PREPL: variants seen among roughly 807,000 people sequenced by gnomAD.
The protein encoded by PREPL is prolyl endopeptidase-like.
A neutral mutation model predicts 70.6 loss-of-function variants in PREPL; 77 were observed. The observed-to-expected ratio is 1.09, with a 90% confidence interval of 0.91 to 1.32. The LOEUF is 1.32. Ranked by LOEUF, PREPL falls within the 40% of genes most tolerant of loss-of-function variation. PREPL has a pLI of 0.00. For synonymous variants in PREPL, 315 were observed against 264.8 expected (o/e 1.19, Z -1.84); for missense variants, 1,002 against 778.2 (o/e 1.29, Z -3.42).
At chr2:44,355,791 A>C (rs1453363885) in intron 1 of PREPL, among the ~76,000 whole-genome samples, 1 of 150,524 alleles carries the variant, frequency 6.6e-6, no homozygotes, top group African/African-American at 2.4e-5. Flanking sequence ...ACACACACAC[A>C]CATATGAATA....
At chr2:44,348,849 C>G (rs1040580574) in intron 1 of PREPL, among the ~76,000 whole-genome samples, 15 of 152,112 alleles carry the variant, frequency 9.9e-5, no homozygotes, top group African/African-American at 2.9e-4. Flanking sequence ...GTTTTTGTTG[C>G]GTCCCAGGGA....
At chr2:44,332,328 T>C in intron 8 of PREPL, 131 bp downstream of exon 8, 1 of 723,780 alleles carries the variant, frequency 1.4e-6, no homozygotes, top group South Asian at 2.0e-5. Flanking sequence ...CTAAAGTCAC[T>C]TGGGTATTAC....
chr2:44,322,678 C>T (rs1276791688), intron 12 of PREPL, 53 bp downstream of exon 12: 4 of 1,579,880 alleles, frequency 2.5e-6, no homozygotes, highest in Non-Finnish European at 3.4e-6. Flanking sequence ...GAGCAGTGTG[C>T]TGTGGGTAGT....
At position 44,320,022 on chromosome 2, in the gene PREPL, CTA is replaced by C. The variant is rs566210449; in HGVS notation, c.*1332_*1333del. On this transcript the variant is annotated 3_prime_UTR_variant, in exon 14 of 14. Coordinates refer to ENST00000409411, the MANE Select transcript of PREPL (RefSeq NM_001171613.2). ...AGCCGAAACCCCGAATTTGTCATTTCTATCAGTTTTTATATAAATTGTTCTTA... is the reference window on the plus strand; with the variant it reads ...AGCCGAAACCCCGAATTTGTCATTTCTCAGTTTTTATATAAATTGTTCTTA... The C allele has an allele frequency of 4.9e-6, 3 of 607,516 alleles. No homozygotes were observed. The highest frequency in any genetic ancestry group is 3.7e-5 in the African/African-American group (2 of 54,080). The allele number at this position is 607,516 out of a possible 1,614,324, so 37.6% of individuals were successfully genotyped here. A position where few individuals can be genotyped will look rare whatever the true frequency, so the allele number is the denominator to read the frequency against.
At chr2:44,349,463 T>G (rs1202801393) in intron 1 of PREPL, among the ~76,000 whole-genome samples, 2 of 152,058 alleles carry the variant, frequency 1.3e-5, no homozygotes, top group Non-Finnish European at 2.9e-5. Context: ...TGAAAAAACA[T>G]AAATCCACAG....
chr2:44,348,597 C>T (rs955122791), intron 1 of PREPL, among the ~76,000 whole-genome samples: 4 of 152,144 alleles, frequency 2.6e-5, no homozygotes, highest in Admixed American at 1.3e-4. Flanking sequence ...AGCAACAGAG[C>T]GGGCTCCAAA....
chr2:44,348,128 A>C (rs1676023338), intron 1 of PREPL, among the ~76,000 whole-genome samples: 1 of 152,110 alleles, frequency 6.6e-6, no homozygotes, highest in Admixed American at 6.5e-5. Context: ...GGGCTCAAGC[A>C]ATCTTCCTGC....
chr2:44,321,416 C>G lies in PREPL; in HGVS notation c.1857G>C (p.Glu619Asp). 2 of 1,612,908 alleles carry G rather than the reference C, an allele frequency of 1.2e-6. No individual in the cohort carries two copies. Among genetic ancestry groups the G allele is most frequent in the Non-Finnish European group, 1.7e-6 (2 of 1,179,228 alleles). Residue 619 changes from glutamate to aspartate, a missense_variant, in exon 14 of 14, where the codon GAG becomes GAC. Transcript: ENST00000409411. ...CACTGGTGCTGTCAAGTCCAAGTTC[C>G]TCGTACAGGAATTTAATTTGGGCTG... ...KITAQIKFLY[E>D]ELGLDSTSVF...
chr2:44,350,187 A>G (rs1229087634), intron 1 of PREPL, among the ~76,000 whole-genome samples: 2 of 152,182 alleles, frequency 1.3e-5, no homozygotes, highest in Non-Finnish European at 2.9e-5. Context: ...GATAAAATCA[A>G]ATTTTTAATT....
chr2:44,330,801 T>A (rs564479871), intron 8 of PREPL, among the ~76,000 whole-genome samples: 1 of 152,346 alleles, frequency 6.6e-6, no homozygotes, highest in South Asian at 2.1e-4. Context: ...GTTCCCTACT[T>A]GCATAAATTT....
chr2:44,335,297 GT>G (rs1357253466), intron 7 of PREPL, among the ~76,000 whole-genome samples: 2 of 152,142 alleles, frequency 1.3e-5, no homozygotes, highest in Non-Finnish European at 2.9e-5. Flanking sequence ...TTACTTAGAA[GT>G]CAAATCATAT....
chr2:44,333,968 G>A (rs1325410552), intron 7 of PREPL, among the ~76,000 whole-genome samples: 12 of 152,266 alleles, frequency 7.9e-5, no homozygotes, highest in Admixed American at 7.2e-4. Flanking sequence ...TGTGACCCAC[G>A]CAGTAAGCTG....
chr2:44,345,465 C>A (rs944642300), intron 2 of PREPL, among the ~76,000 whole-genome samples: 2 of 152,034 alleles, frequency 1.3e-5, no homozygotes, highest in African/African-American at 4.8e-5. Context: ...GATTCTCCTG[C>A]CTCGGCCTCC....
chr2:44,326,402 G>A (rs1255672589), intron 10 of PREPL, among the ~76,000 whole-genome samples: 2 of 48,586 alleles, frequency 4.1e-5, no homozygotes, highest in East Asian at 1.1e-3. Context: ...TTTTTTTTTT[G>A]ACAATGTCTC....
In PREPL at chr2:44,337,832, C is replaced by G. The variant is rs1033418154; in HGVS notation, c.888+519G>C. On this transcript the variant is annotated intron_variant, in intron 7 of 13. Coordinates refer to ENST00000409411, the MANE Select transcript of PREPL (RefSeq NM_001171613.2). Reference sequence around the variant, plus strand: ...TAGCCTTCTGTGCTGCTGTGGAGACCACTGCTACTCCTACACTGAAAGAAA... The same window carrying G: ...TAGCCTTCTGTGCTGCTGTGGAGACGACTGCTACTCCTACACTGAAAGAAA... 5.9e-5 allele frequency among the ~76,000 whole-genome samples: 9 copies of G among 152,304 alleles called. 1 individual carries two copies. Among genetic ancestry groups the G allele is most frequent in the African/African-American group, 2.2e-4 (9 of 41,568 alleles).
At position 44,321,356 on chromosome 2, in the gene PREPL, T is replaced by A; in HGVS notation, c.1917A>T (p.Ter639CysextTer12). ...CCAATTCCCAGTTGAATGCAGTGTT[T>A]CAGAATTTCAGGTATTTCTTAAGAT... ...FEDLKKYLKF[*>C] Residue 639 changes from the stop codon to cysteine (C), a stop_lost, in exon 14 of 14, where the codon TGA (stop) becomes TGT (cysteine). Coordinates refer to ENST00000409411, the MANE Select transcript of PREPL (RefSeq NM_001171613.2). 6.2e-7 allele frequency: 1 copy of A among 1,600,102 alleles called. No individual in the cohort carries two copies. Among genetic ancestry groups the A allele is most frequent in the Non-Finnish European group, 8.6e-7 (1 of 1,167,794 alleles).
chr2:44,338,630 C>T, intron 6 of PREPL, 94 bp from the exon 7 acceptor site: 2 of 1,006,140 alleles, frequency 2.0e-6, no homozygotes. Context: ...CCATACTAGT[C>T]CTCACTGTTT....
intron 6 of PREPL, 79 bp downstream of exon 6, chr2:44,339,068 C>T: frequency 6.4e-7 from 1 of 1,564,996 alleles, no homozygotes. Flanking sequence ...ACAATGAGCT[C>T]TTGGAGCAAG....
At chr2:44,342,329 A>G in intron 5 of PREPL, 88 bp downstream of exon 5, 1 of 1,236,434 alleles carries the variant, frequency 8.1e-7, no homozygotes. Context: ...TCCAACCAAA[A>G]TAAACGTTTT....
Sources: gnomAD v4.1 joint callset for allele counts (sites outside exome capture counted in the v4.1 genomes callset) on GRCh38, gnomAD v4.1.1 for gene constraint, MANE v1.5 for transcripts, NCBI Gene and HGNC (gene_info 2026-07-23, HGNC 2026-07-21) for gene names.